NBDY: variants seen among roughly 807,000 people sequenced by gnomAD.
NBDY encodes the protein P-body dissociating protein.
intron 2 of NBDY, among the ~76,000 whole-genome samples, chrX:56,743,617 G>A (rs1049318000): frequency 9.0e-6 from 1 of 111,064 alleles, no homozygotes; most frequent in South Asian, 3.7e-4. Context: ...TGCAGTATCA[G>A]TTGTAATGTG....
intron 2 of NBDY, among the ~76,000 whole-genome samples, chrX:56,767,502 G>T (rs1450474303): frequency 8.9e-6 from 1 of 112,787 alleles, no homozygotes; most frequent in Non-Finnish European, 1.9e-5. Context: ...GGAGAGCCGC[G>T]GGCGGTAACA....
At chrX:56,738,175 A>G (rs968138812) in intron 2 of NBDY, among the ~76,000 whole-genome samples, 8 of 112,324 alleles carry the variant, frequency 7.1e-5, no homozygotes, top group Non-Finnish European at 1.5e-4. Context: ...AGTTTTTAAT[A>G]TGGAACAATT....
intron 2 of NBDY, among the ~76,000 whole-genome samples, chrX:56,801,778 G>A (rs1026681410): frequency 9.0e-6 from 1 of 110,741 alleles, no homozygotes; most frequent in Non-Finnish European, 1.9e-5. Context: ...TGTATAGGCA[G>A]GCTGTCTCTC....
intron 2 of NBDY, among the ~76,000 whole-genome samples, chrX:56,794,197 T>A (rs1408058464): frequency 8.9e-6 from 1 of 111,823 alleles, no homozygotes; most frequent in Non-Finnish European, 1.9e-5. Flanking sequence ...GGGGAAACCC[T>A]GGCTCAGGCA....
intron 2 of NBDY, among the ~76,000 whole-genome samples, chrX:56,811,953 G>C (rs772533760): frequency 2.7e-5 from 3 of 111,719 alleles, no homozygotes; most frequent in African/African-American, 9.8e-5. Context: ...TGCAGTGTCT[G>C]TGCTGGAGTG....
chrX:56,797,656 A>G (rs1480865070), intron 2 of NBDY, among the ~76,000 whole-genome samples: 1 of 110,994 alleles, frequency 9.0e-6, no homozygotes, highest in Non-Finnish European at 1.9e-5. Context: ...TAGGAGCCTC[A>G]GCAATTTGTT....
chrX:56,796,301 G>A (rs1249723979), intron 2 of NBDY, among the ~76,000 whole-genome samples: 1 of 111,775 alleles, frequency 8.9e-6, no homozygotes, highest in Non-Finnish European at 1.9e-5. Context: ...AGGCCACTTG[G>A]GCTGCCAGCT....
chrX:56,767,463 G>A (rs775042414), intron 2 of NBDY, among the ~76,000 whole-genome samples: 2 of 113,355 alleles, frequency 1.8e-5, no homozygotes, highest in South Asian at 7.1e-4. Flanking sequence ...GTCGGAGCCG[G>A]CTCCCTCAGC....
At chrX:56,789,515 C>A (rs1412683172) in intron 2 of NBDY, among the ~76,000 whole-genome samples, 1 of 112,306 alleles carries the variant, frequency 8.9e-6, no homozygotes, top group Admixed American at 9.3e-5. Context: ...CCCTAGGTAG[C>A]ACTCTTCCTC....
chrX:56,743,875 G>T (rs923103820), intron 2 of NBDY, among the ~76,000 whole-genome samples: 1 of 108,526 alleles, frequency 9.2e-6, no homozygotes, highest in Non-Finnish European at 1.9e-5. Context: ...TTCATTATTG[G>T]TTTCTTTATT....
chrX:56,791,911 TTCTTCC>T (rs1490664711), intron 2 of NBDY, among the ~76,000 whole-genome samples: 22 of 110,850 alleles, frequency 2.0e-4, no homozygotes, highest in South Asian at 3.9e-4. Flanking sequence ...GTTCTTCTTC[TTCTTCC>T]TCTTCCTCTT....
intron 2 of NBDY, among the ~76,000 whole-genome samples, chrX:56,802,040 G>A (rs1213636030): frequency 9.2e-6 from 1 of 109,033 alleles, no homozygotes; most frequent in African/African-American, 3.3e-5. Flanking sequence ...GCCCAGGGGT[G>A]CGGGCTCAAG....
chrX:56,745,005 T>C (rs2069549813), intron 2 of NBDY, among the ~76,000 whole-genome samples: 1 of 111,735 alleles, frequency 8.9e-6, no homozygotes, highest in Non-Finnish European at 1.9e-5. Flanking sequence ...GGAAGCATTT[T>C]ACAGCTTCTC....
chrX:56,781,769 C>G (rs936435247), intron 2 of NBDY, among the ~76,000 whole-genome samples: 2 of 112,304 alleles, frequency 1.8e-5, no homozygotes, highest in African/African-American at 6.5e-5. Flanking sequence ...AGGACTCCAG[C>G]TGAACCCTGC....
chrX:56,792,924 G>A (rs942038265), intron 2 of NBDY, among the ~76,000 whole-genome samples: 4 of 111,815 alleles, frequency 3.6e-5, no homozygotes, highest in African/African-American at 1.3e-4. Flanking sequence ...TGCAACCAGG[G>A]TAGGGGCAGA....
rs1335436246 is a variant in NBDY, at chrX:56,818,859, C to CAA, written c.*1708_*1709dup. Reference sequence around the variant, plus strand: ...AAATATTGATCAATGAAATAGAATCCAAAGTCCAGACATAAGCCCTCACAA... The same window carrying CAA: ...AAATATTGATCAATGAAATAGAATCCAAAAAGTCCAGACATAAGCCCTCACAA... On this transcript the variant is annotated 3_prime_UTR_variant, in exon 3 of 3. Coordinates refer to ENST00000374922, the MANE Select transcript of NBDY (RefSeq NM_001348129.2). 3 of 110,016 alleles carry CAA rather than the reference C, an allele frequency of 2.7e-5. No homozygotes were observed. Among genetic ancestry groups the CAA allele is most frequent in the Non-Finnish European group, 3.8e-5 (2 of 52,752 alleles). 9.1% of individuals were successfully genotyped at this position (110,016 alleles called of 1,213,427 possible).
At chrX:56,759,720 A>AG (rs1390543731) in intron 2 of NBDY, among the ~76,000 whole-genome samples, 2 of 111,316 alleles carry the variant, frequency 1.8e-5, no homozygotes, top group African/African-American at 3.3e-5. Context: ...AGGAGGAGAG[A>AG]GGAACTCCTG....
intron 2 of NBDY, among the ~76,000 whole-genome samples, chrX:56,755,583 A>G (rs1218567530): frequency 1.8e-5 from 2 of 112,168 alleles, no homozygotes; most frequent in South Asian, 3.8e-4. Flanking sequence ...AATCAAAACC[A>G]CAATGAGATA....
At chrX:56,741,671 C>T (rs2069532748) in intron 2 of NBDY, among the ~76,000 whole-genome samples, 1 of 111,831 alleles carries the variant, frequency 8.9e-6, no homozygotes, top group South Asian at 3.7e-4. Flanking sequence ...AAATCTTTGT[C>T]ACAATTTTGA....
Sources: gnomAD v4.1 joint callset for allele counts (sites outside exome capture counted in the v4.1 genomes callset) on GRCh38, gnomAD v4.1.1 for gene constraint, MANE v1.5 for transcripts, NCBI Gene and HGNC (gene_info 2026-07-23, HGNC 2026-07-21) for gene names.